CTNNA2: variants seen among roughly 807,000 people sequenced by gnomAD.
CTNNA2 encodes the protein catenin alpha-2.
Under a neutral mutation model 101.0 loss-of-function variants are expected in CTNNA2, and 42 were observed. That is an observed-to-expected ratio of 0.42 (90% CI 0.32 to 0.54). The LOEUF is 0.54. CTNNA2 is among the 20% of genes least tolerant of loss of function. The probability of loss-of-function intolerance (pLI) is 0.14; values close to 1 mark genes in which losing one functional copy is unlikely to be tolerated. For synonymous variants in CTNNA2, 450 were observed against 456.4 expected (o/e 0.99, Z 0.18); for missense variants, 871 against 1,223.1 (o/e 0.71, Z 4.29).
chr2:79,311,341 G>C (rs902112574), intron 2 of CTNNA2, among the ~76,000 whole-genome samples: 1 of 149,362 alleles, frequency 6.7e-6, no homozygotes, highest in Admixed American at 6.8e-5. Flanking sequence ...CCCGGGAAGC[G>C]GAGCTTGCAG....
At chr2:80,056,715 A>T (rs920722051) in intron 7 of CTNNA2, among the ~76,000 whole-genome samples, 1 of 152,192 alleles carries the variant, frequency 6.6e-6, no homozygotes, top group East Asian at 1.9e-4. Flanking sequence ...TTTAAATGCT[A>T]TGCAAGGTAC....
In CTNNA2 at chr2:79,608,806, A is replaced by G. The variant is rs539273713; in HGVS notation, c.-5-42746A>G. On this transcript the variant is annotated intron_variant, in intron 1 of 18. Transcript: ENST00000402739. Reference sequence around the variant, plus strand: ...CTTCAGCAAATATAAACTTAATGTTAAAAGACAGATGAGTCTTATATTTTC... The same window carrying G: ...CTTCAGCAAATATAAACTTAATGTTGAAAGACAGATGAGTCTTATATTTTC... 1.0e-3 allele frequency among the ~76,000 whole-genome samples: 153 copies of G among 152,238 alleles called. 1 individual carries two copies. Among genetic ancestry groups the G allele is most frequent in the African/African-American group, 3.3e-3 (139 of 41,590 alleles).
chr2:80,094,429 T>G (rs1700008780), intron 7 of CTNNA2, among the ~76,000 whole-genome samples: 1 of 152,220 alleles, frequency 6.6e-6, no homozygotes, highest in Non-Finnish European at 1.5e-5. Context: ...TAGTTTAAAG[T>G]CAGGTAGCAT....
At chr2:79,606,770 T>C (rs375674182) in intron 1 of CTNNA2, among the ~76,000 whole-genome samples, 11 of 152,168 alleles carry the variant, frequency 7.2e-5, no homozygotes, top group African/African-American at 2.7e-4. Context: ...AATTTGAAAG[T>C]AGTTGTTAAA....
intron 1 of CTNNA2, among the ~76,000 whole-genome samples, chr2:79,587,017 G>A (rs6717351): frequency 0.088 from 13,396 of 152,158 alleles, 736 homozygotes; most frequent in African/African-American, 0.15. Context: ...TTTTACGGCT[G>A]CGTAGTATTC....
chr2:80,428,624 G>A (rs1681204439), intron 9 of CTNNA2, among the ~76,000 whole-genome samples: 1 of 152,154 alleles, frequency 6.6e-6, no homozygotes, highest in Admixed American at 6.5e-5. Flanking sequence ...AGTTGGCTCT[G>A]GCTTCAGTTG....
intron 1 of CTNNA2, among the ~76,000 whole-genome samples, chr2:79,584,943 A>T (rs950528599): frequency 2.0e-5 from 3 of 152,158 alleles, no homozygotes; most frequent in Non-Finnish European, 4.4e-5. Context: ...GTAGTATTTT[A>T]TGGGGTTTAT....
At chr2:80,263,600 T>G (rs1248693838) in intron 7 of CTNNA2, among the ~76,000 whole-genome samples, 4 of 152,178 alleles carry the variant, frequency 2.6e-5, no homozygotes, top group African/African-American at 9.7e-5. Context: ...CCTCCCAAAG[T>G]GCAGGGATTA....
chr2:80,228,047 G>A (rs139230670), intron 7 of CTNNA2, among the ~76,000 whole-genome samples: 2,145 of 152,078 alleles, frequency 0.014, 23 homozygotes, highest in Non-Finnish European at 0.023. Flanking sequence ...CTGTGTTTGA[G>A]TCCTATGTAG....
intron 7 of CTNNA2, among the ~76,000 whole-genome samples, chr2:79,991,768 C>G (rs1017790404): frequency 1.3e-5 from 2 of 152,110 alleles, no homozygotes; most frequent in East Asian, 3.9e-4. Flanking sequence ...TCCAAAATGG[C>G]TCCAGCCTCC....
chr2:80,157,323 G>T (rs2148938017), intron 7 of CTNNA2, among the ~76,000 whole-genome samples: 1 of 152,228 alleles, frequency 6.6e-6, no homozygotes, highest in African/African-American at 2.4e-5. Context: ...TGTGAGAAAG[G>T]GTTCTTTGAC....
chr2:80,109,793 C>G (rs57527274), intron 7 of CTNNA2, among the ~76,000 whole-genome samples: 1 of 152,054 alleles, frequency 6.6e-6, no homozygotes, highest in Non-Finnish European at 1.5e-5. Flanking sequence ...CTGGCCAACT[C>G]CCAGGGCTCT....
chr2:79,426,295 C>T (rs1410020552), intron 4 of CTNNA2, among the ~76,000 whole-genome samples: 1 of 152,006 alleles, frequency 6.6e-6, no homozygotes, highest in Admixed American at 6.6e-5. Context: ...GATGCAGATA[C>T]TGAAGAGGAA....
chr2:79,450,715 A>T (rs1005524364), intron 4 of CTNNA2, among the ~76,000 whole-genome samples: 1 of 152,130 alleles, frequency 6.6e-6, no homozygotes, highest in African/African-American at 2.4e-5. Context: ...ATTGATACAA[A>T]CAAGAGTTAA....
intron 7 of CTNNA2, among the ~76,000 whole-genome samples, chr2:80,049,249 G>A (rs554464656): frequency 6.6e-6 from 1 of 152,208 alleles, no homozygotes; most frequent in East Asian, 1.9e-4. Context: ...AAGACCATGT[G>A]CATTGGGTCA....
chr2:79,228,393 C>T (rs762087924), intron 2 of CTNNA2, among the ~76,000 whole-genome samples: 1 of 152,206 alleles, frequency 6.6e-6, no homozygotes, highest in South Asian at 2.1e-4. Context: ...ATTCCCTTCT[C>T]TCCGCAGCCT....
chr2:79,646,027 G>A (rs1680790006), intron 1 of CTNNA2, among the ~76,000 whole-genome samples: 1 of 152,176 alleles, frequency 6.6e-6, no homozygotes, highest in Non-Finnish European at 1.5e-5. Context: ...ATCTGAAGCT[G>A]GAGTTCCATG....
At chr2:79,602,391 G>A (rs1161012395) in intron 1 of CTNNA2, among the ~76,000 whole-genome samples, 2 of 151,864 alleles carry the variant, frequency 1.3e-5, no homozygotes, top group Non-Finnish European at 2.9e-5. Flanking sequence ...ACAAGGAATT[G>A]ACTAAACATT....
intron 7 of CTNNA2, among the ~76,000 whole-genome samples, chr2:80,027,523 G>A (rs922498132): frequency 2.0e-5 from 3 of 152,300 alleles, no homozygotes; most frequent in East Asian, 1.9e-4. Context: ...GACAAAAGAC[G>A]AAGTGAGGAG....
Sources: allele counts gnomAD v4.1 joint callset (sites outside exome capture counted in the v4.1 genomes callset), GRCh38; gene constraint gnomAD v4.1.1; transcripts MANE v1.5; gene names NCBI Gene and HGNC (gene_info 2026-07-23, HGNC 2026-07-21).